Variants in TMEM61 observed in about 807,000 individuals in gnomAD.
TMEM61 encodes transmembrane protein 61.
In TMEM61, 13 loss-of-function variants were observed where a neutral mutation model predicts 12.0. The observed-to-expected ratio is 1.08, with a 90% CI of 0.70 to 1.72. The LOEUF (loss-of-function observed/expected upper bound fraction) is 1.72. TMEM61 is among the 40% of genes most tolerant of loss of function. The pLI is 0.00. For synonymous variants in TMEM61, 109 were observed against 121.4 expected (o/e 0.90, Z 0.67); for missense variants, 249 against 276.9 (o/e 0.90, Z 0.71).
Position 54,986,435 on chromosome 1 carries a change from G to GGA in TMEM61, c.358_359dup (p.Ser120ArgfsTer18). 1 of 1,562,564 alleles carries GGA rather than the reference G, an allele frequency of 6.4e-7. No homozygotes were observed. Among genetic ancestry groups the GGA allele is most frequent in the Non-Finnish European group, 8.7e-7 (1 of 1,147,308 alleles). ...ACCTCACTGTGGAGTCCTCAGAGAAGGAGAGCTGCAGGTCAGCAGGGCGGG... is the reference window on the plus strand; with the variant it reads ...ACCTCACTGTGGAGTCCTCAGAGAAGGAGAGAGCTGCAGGTCAGCAGGGCGGG... On this transcript the variant is annotated frameshift_variant, in exon 2 of 3. Transcript: ENST00000371268. LOFTEE classifies it low-confidence loss of function (END_TRUNC).
intron 1 of TMEM61, among the ~76,000 whole-genome samples, chr1:54,985,245 GTA>G (rs373870211): frequency 5.7e-4 from 60 of 105,126 alleles, no homozygotes; most frequent in South Asian, 2.0e-3. Flanking sequence ...GTGTGTGTGT[GTA>G]TGTGTGTGTG....
chr1:54,987,779 C>T (rs1038697622), intron 2 of TMEM61, among the ~76,000 whole-genome samples: 22 of 152,200 alleles, frequency 1.4e-4, no homozygotes, highest in Non-Finnish European at 4.4e-5. Flanking sequence ...CTTCCTCCCA[C>T]GTCAGTCCTA....
chr1:54,985,848 G>T (rs758833452), intron 1 of TMEM61, among the ~76,000 whole-genome samples: 1 of 152,200 alleles, frequency 6.6e-6, no homozygotes, highest in Non-Finnish European at 1.5e-5. Flanking sequence ...GGCCCTGAGT[G>T]AAAGTGGTCA....
intron 1 of TMEM61, among the ~76,000 whole-genome samples, chr1:54,984,645 A>G (rs1464917233): frequency 6.6e-6 from 1 of 152,242 alleles, no homozygotes; most frequent in Non-Finnish European, 1.5e-5. Context: ...AGTGGTGAAC[A>G]AGGCCAGCAT....
At chr1:54,984,186 C>T (rs1346373632) in intron 1 of TMEM61, among the ~76,000 whole-genome samples, 3 of 152,210 alleles carry the variant, frequency 2.0e-5, no homozygotes, top group Non-Finnish European at 4.4e-5. Flanking sequence ...CTTTGAGCAG[C>T]CGCACAGCAG....
chr1:54,981,049 C>T lies in TMEM61; in HGVS notation c.-17C>T. On this transcript the variant is annotated 5_prime_UTR_variant, in exon 1 of 3. Coordinates refer to ENST00000371268, the MANE Select transcript of TMEM61 (RefSeq NM_182532.3). ...GGCTCCCTGCGCGCCTGGACAGCGC[C>T]TGCTGCCCGCCTCCCGATGGCCCTG... is the stretch of plus-strand genomic sequence containing the variant. 1 of 1,575,398 alleles carries T rather than the reference C, an allele frequency of 6.3e-7. No individual in the cohort carries two copies. Among genetic ancestry groups the T allele is most frequent in the Non-Finnish European group, 8.6e-7 (1 of 1,159,602 alleles).
intron 2 of TMEM61, among the ~76,000 whole-genome samples, chr1:54,988,636 C>T (rs1487057224): frequency 6.6e-6 from 1 of 152,248 alleles, no homozygotes; most frequent in Non-Finnish European, 1.5e-5. Flanking sequence ...GAAATAAAGC[C>T]TTCCTGGGCT....
At position 54,986,443 on chromosome 1, in the gene TMEM61, G is replaced by A. The variant is rs779249058; in HGVS notation, c.362G>A (p.Cys121Tyr). 14 of 1,551,270 alleles carry A rather than the reference G, an allele frequency of 9.0e-6. No individual in the cohort carries two copies. The highest frequency in any genetic ancestry group is 3.6e-5 in the Admixed American group (2 of 55,000). Reference sequence around the variant, plus strand: ...GTGGAGTCCTCAGAGAAGGAGAGCTGCAGGTCAGCAGGGCGGGGTGTGGCA... The same window carrying A: ...GTGGAGTCCTCAGAGAAGGAGAGCTACAGGTCAGCAGGGCGGGGTGTGGCA... ...LTVESSEKES[C>Y]RTPKVVDIPT... is the part of the protein sequence containing the mutation. The change falls in exon 2 of 3, where the codon TGC becomes TAC. Residue 121 changes from cysteine to tyrosine, a missense_variant. By Grantham distance (194) the Cys-to-Tyr change is radical (BLOSUM62 -2). Transcript: ENST00000371268.
At chr1:54,989,708 G>A (rs1310591598) in intron 2 of TMEM61, among the ~76,000 whole-genome samples, 1 of 152,180 alleles carries the variant, frequency 6.6e-6, no homozygotes, top group Non-Finnish European at 1.5e-5. Context: ...GTGGTGTGAG[G>A]GCCGCTTCAC....
intron 1 of TMEM61, among the ~76,000 whole-genome samples, chr1:54,982,123 C>T (rs1644226848): frequency 6.6e-6 from 1 of 152,120 alleles, no homozygotes; most frequent in South Asian, 2.1e-4. Context: ...CCCTTGCAGG[C>T]AGGGATTTGA....
At position 54,981,034 on chromosome 1, in the gene TMEM61, G is replaced by C. The variant is rs779372894; in HGVS notation, c.-32G>C. On this transcript the variant is annotated 5_prime_UTR_variant, in exon 1 of 3. Coordinates refer to ENST00000371268, the MANE Select transcript of TMEM61 (RefSeq NM_182532.3). ...CCTTCACCTGCGCCCGGCTCCCTGCGCGCCTGGACAGCGCCTGCTGCCCGC... is the reference window on the plus strand; with the variant it reads ...CCTTCACCTGCGCCCGGCTCCCTGCCCGCCTGGACAGCGCCTGCTGCCCGC... 3 of 1,559,560 alleles carry C rather than the reference G, an allele frequency of 1.9e-6. No individual in the cohort carries two copies. Among genetic ancestry groups the C allele is most frequent in the South Asian group, 1.2e-5 (1 of 84,272 alleles).
intron 2 of TMEM61, among the ~76,000 whole-genome samples, chr1:54,990,434 C>T (rs1469094580): frequency 6.6e-6 from 1 of 152,144 alleles, no homozygotes; most frequent in East Asian, 1.9e-4. Context: ...GTCCAGGTCC[C>T]CGGTGGGTGC....
At chr1:54,985,980 A>G in intron 1 of TMEM61, 117 bp from the exon 2 acceptor site, 1 of 857,502 alleles carries the variant, frequency 1.2e-6, no homozygotes, top group Non-Finnish European at 1.7e-6. Context: ...TGAGGCCCAG[A>G]GGAGTTAAGT....
intron 2 of TMEM61, among the ~76,000 whole-genome samples, chr1:54,989,289 T>G (rs1644280032): frequency 6.6e-6 from 1 of 152,196 alleles, no homozygotes; most frequent in African/African-American, 2.4e-5. Context: ...TGGCCTTTAC[T>G]CATCTGTAAA....
intron 2 of TMEM61, among the ~76,000 whole-genome samples, chr1:54,990,427 C>T (rs548346589): frequency 3.7e-4 from 57 of 152,262 alleles, no homozygotes; most frequent in Admixed American, 1.7e-3. Flanking sequence ...GGAGAAAGTC[C>T]AGGTCCCCGG....
chr1:54,985,702 A>ATAT (rs1204869635), intron 1 of TMEM61, among the ~76,000 whole-genome samples: 1 of 152,150 alleles, frequency 6.6e-6, no homozygotes, highest in African/African-American at 2.4e-5. Context: ...GCAGTGCATA[A>ATAT]CCAGCAAACC....
chr1:54,991,878 G>C lies in TMEM61; in HGVS notation c.408G>C (p.Val136=). The stretch of plus-strand genomic sequence containing the variant: ...ACATCCCCACTTACGAGGAAGCCGT[G>C]AGCTTCCCAGTGGCCGAGGGGCCCC... ...VVDIPTYEEA[V]SFPVAEGPPT... is the part of the protein sequence containing the mutation. The change falls in exon 3 of 3, where the codon GTG becomes GTC. Residue 136 remains valine, a synonymous_variant. Coordinates refer to ENST00000371268, the MANE Select transcript of TMEM61 (RefSeq NM_182532.3). 1 of 1,614,122 alleles carries C rather than the reference G, an allele frequency of 6.2e-7. No homozygotes were observed. Among genetic ancestry groups the C allele is most frequent in the Middle Eastern group, 1.6e-4 (1 of 6,062 alleles).
intron 2 of TMEM61, 102 bp from the exon 3 acceptor site, chr1:54,991,733 AG>A: frequency 7.4e-7 from 1 of 1,348,896 alleles, no homozygotes; most frequent in South Asian, 1.4e-5. Context: ...GGCTTGGAGC[AG>A]GGTGTGAAGA....
chr1:54,992,041 A>G lies in TMEM61; in HGVS notation c.571A>G (p.Thr191Ala). The change falls in exon 3 of 3, where the codon ACG becomes GCG. Residue 191 changes from threonine (T) to alanine (A), a missense_variant. Coordinates refer to ENST00000371268, the MANE Select transcript of TMEM61 (RefSeq NM_182532.3). ...TGCTCTTGATGCCGTTTCTGCGGAG[A>G]CGACACCGAGTGCCACACGCTCCTG... ...SLALDAVSAE[T>A]TPSATRSCSG... The G allele has an allele frequency of 6.2e-7, 1 of 1,613,340 alleles. No individual in the cohort carries two copies. The highest frequency in any genetic ancestry group is 1.1e-5 in the South Asian group (1 of 91,030).
Sources: allele counts gnomAD v4.1 joint callset (sites outside exome capture counted in the v4.1 genomes callset), GRCh38; gene constraint gnomAD v4.1.1; transcripts MANE v1.5; gene names NCBI Gene and HGNC (gene_info 2026-07-23, HGNC 2026-07-21).